SPATS2L: variants seen among roughly 807,000 people sequenced by gnomAD.
SPATS2L encodes the protein spermatogenesis associated serine rich 2 like, also known as SPATS2-like protein.
In SPATS2L, 30 loss-of-function variants were observed where a neutral mutation model predicts 59.6. That is an observed-to-expected ratio of 0.50 (90% confidence interval 0.38 to 0.68). The LOEUF (loss-of-function observed/expected upper bound fraction) is 0.68. Among genes scored for constraint, SPATS2L ranks in the 30% least tolerant of loss-of-function variants. The pLI, the probability that SPATS2L is intolerant of heterozygous loss-of-function variation, is 0.00. For missense variants in SPATS2L, 615 were observed against 700.0 expected, an observed-to-expected ratio of 0.88 and a Z score of 1.37; for synonymous variants, 252 against 263.5, an observed-to-expected ratio of 0.96 and a Z score of 0.42.
rs375990575 is a variant in SPATS2L, at chr2:200,469,846, G to A, written c.958-68G>A. The A allele has an allele frequency of 6.7e-5, 79 of 1,187,608 alleles. No individual in the cohort carries two copies. In the African/African-American group the frequency reaches 8.5e-4, roughly 13 times the overall value. 73.6% of individuals were successfully genotyped at this position (1,187,608 alleles called of 1,614,324 possible). A position where few individuals can be genotyped will look rare whatever the true frequency, so the allele number is the denominator to read the frequency against. Reference sequence around the variant, plus strand: ...TGGACACCGGAAGAGCAGAGTGAACGCATCCACGGGGGTGCCTTGGTCATT... The same window carrying A: ...TGGACACCGGAAGAGCAGAGTGAACACATCCACGGGGGTGCCTTGGTCATT... On this transcript the variant is annotated intron_variant, in intron 10 of 12. Coordinates refer to ENST00000409140, the MANE Select transcript of SPATS2L (RefSeq NM_001100423.2).
At chr2:200,370,420 A>G (rs920975096) in intron 2 of SPATS2L, among the ~76,000 whole-genome samples, 2 of 152,188 alleles carry the variant, frequency 1.3e-5, no homozygotes, top group Non-Finnish European at 2.9e-5. Flanking sequence ...AGAACTGAAT[A>G]ACAGAATAGT....
At chr2:200,439,514 T>A (rs2084542295) in intron 7 of SPATS2L, among the ~76,000 whole-genome samples, 186 bp downstream of exon 7, 1 of 152,188 alleles carries the variant, frequency 6.6e-6, no homozygotes, top group South Asian at 2.1e-4. Context: ...TCAAAGGTCT[T>A]GAATATTTAA....
chr2:200,308,183 C>A (rs2079088627), intron 1 of SPATS2L, among the ~76,000 whole-genome samples: 1 of 149,114 alleles, frequency 6.7e-6, no homozygotes, highest in Admixed American at 6.7e-5. Flanking sequence ...AGAGTTTAAG[C>A]AGATGTATGT....
intron 8 of SPATS2L, among the ~76,000 whole-genome samples, chr2:200,454,218 C>A (rs972688421): frequency 6.6e-6 from 1 of 152,178 alleles, no homozygotes; most frequent in African/African-American, 2.4e-5. Context: ...AGATTGAGTT[C>A]TTCACCTCCC....
At chr2:200,331,241 TTA>T (rs1430605025) in intron 2 of SPATS2L, among the ~76,000 whole-genome samples, 1 of 152,232 alleles carries the variant, frequency 6.6e-6, no homozygotes, top group Non-Finnish European at 1.5e-5. Context: ...GCTTATCTGA[TTA>T]TGTTTATTTT....
intron 6 of SPATS2L, among the ~76,000 whole-genome samples, chr2:200,429,141 G>A (rs1022694578): frequency 3.9e-5 from 6 of 152,160 alleles, no homozygotes; most frequent in Admixed American, 6.5e-5. Context: ...CTCTACTTTA[G>A]CTATGCTGGT....
intron 2 of SPATS2L, among the ~76,000 whole-genome samples, chr2:200,333,771 C>G (rs901084786): frequency 6.6e-5 from 10 of 151,898 alleles, no homozygotes; most frequent in Non-Finnish European, 1.5e-4. Flanking sequence ...TTTGTTCTTG[C>G]GATAGTTTGC....
At chr2:200,448,993 T>C (rs2085255144) in intron 8 of SPATS2L, among the ~76,000 whole-genome samples, 1 of 152,188 alleles carries the variant, frequency 6.6e-6, no homozygotes, top group South Asian at 2.1e-4. Context: ...ATTCTGAAAT[T>C]GTGAAAAGGG....
rs115389043 is a variant in SPATS2L, at chr2:200,371,916, C to T, written c.-22-17307C>T. The stretch of plus-strand genomic sequence containing the variant: ...CAGCTTCTTTAGATTTTGCTTTGAA[C>T]GGTAAGTCATACCGTGTTTTCTAAC... On this transcript the variant is annotated intron_variant, in intron 2 of 12. Transcript: ENST00000409140. Among the ~76,000 whole-genome samples the T allele has an allele frequency of 9.3e-3, 1,419 of 152,278 alleles. 31 individuals carry two copies. The highest frequency in any genetic ancestry group is 0.032 in the African/African-American group (1,349 of 41,544).
At chr2:200,309,018 A>C (rs1169780960) in intron 1 of SPATS2L, 1 of 717,546 alleles carries the variant, frequency 1.4e-6, no homozygotes, top group Non-Finnish European at 2.6e-6. Context: ...AGGGAAAGAA[A>C]ATACTTAGGC....
intron 6 of SPATS2L, among the ~76,000 whole-genome samples, chr2:200,433,308 C>G (rs2084063332): frequency 6.6e-6 from 1 of 152,004 alleles, no homozygotes; most frequent in South Asian, 2.1e-4. Context: ...ACGATTTGAA[C>G]AATACTATCA....
intron 3 of SPATS2L, among the ~76,000 whole-genome samples, chr2:200,409,429 G>T (rs2082799562): frequency 1.3e-5 from 2 of 152,094 alleles, no homozygotes; most frequent in Non-Finnish European, 2.9e-5. Context: ...GAGTGACACA[G>T]TGAGGTTCCT....
rs914248041 is a variant in SPATS2L, at chr2:200,481,540, T to G, written c.*3509T>G. Reference sequence around the variant, plus strand: ...TCAGGCTACCTTTGACAAAGCTTTCTTCCTCCCTCCCTCCCTTTGCACGCT... The same window carrying G: ...TCAGGCTACCTTTGACAAAGCTTTCGTCCTCCCTCCCTCCCTTTGCACGCT... On this transcript the variant is annotated 3_prime_UTR_variant, in exon 13 of 13. Transcript: ENST00000409140. The G allele has an allele frequency of 6.6e-6, 1 of 152,290 alleles. No individual in the cohort carries two copies. Among genetic ancestry groups the G allele is most frequent in the African/African-American group, 2.4e-5 (1 of 41,454 alleles). The allele number at this position is 152,290 out of a possible 1,614,324, so 9.4% of individuals were successfully genotyped here. A position where few individuals can be genotyped will look rare whatever the true frequency, so the allele number is the denominator to read the frequency against.
At chr2:200,380,990 A>C (rs2081789385) in intron 2 of SPATS2L, among the ~76,000 whole-genome samples, 1 of 152,198 alleles carries the variant, frequency 6.6e-6, no homozygotes, top group Non-Finnish European at 1.5e-5. Flanking sequence ...AAAGAGCAAA[A>C]ACACTTGAAA....
At chr2:200,446,835 TA>T (rs2085080108) in intron 8 of SPATS2L, among the ~76,000 whole-genome samples, 1 of 152,194 alleles carries the variant, frequency 6.6e-6, no homozygotes, top group African/African-American at 2.4e-5. Context: ...TCTCATTTCA[TA>T]ACAGTGCAGC....
In SPATS2L at chr2:200,309,125, T is replaced by G; in HGVS notation, c.-73+2203T>G. 3 of 717,766 alleles carry G rather than the reference T, an allele frequency of 4.2e-6. No homozygotes were observed. The South Asian group carries it at 4.4e-5, about 11-fold the overall frequency. The allele number at this position is 717,766 out of a possible 1,614,324, so 44.5% of individuals were successfully genotyped here. ...AAGCTTTTACATCAGAAGTTAAGCT[T>G]TAGAAATATCTCACTTTGGGGCCTA... On this transcript the variant is annotated intron_variant, in intron 1 of 12. Coordinates refer to ENST00000409140, the MANE Select transcript of SPATS2L (RefSeq NM_001100423.2).
chr2:200,433,069 AAAC>A (rs749213113), intron 6 of SPATS2L, among the ~76,000 whole-genome samples: 11 of 152,302 alleles, frequency 7.2e-5, no homozygotes, highest in South Asian at 2.1e-4. Context: ...ATTTGATGAA[AAAC>A]AACAAGCCTC....
intron 1 of SPATS2L, among the ~76,000 whole-genome samples, chr2:200,327,398 C>T (rs62179511): frequency 0.13 from 16,208 of 125,676 alleles, 921 homozygotes; most frequent in Non-Finnish European, 0.16. Context: ...AGCGAGACTC[C>T]GTCTCAAAAA....
intron 3 of SPATS2L, among the ~76,000 whole-genome samples, chr2:200,405,544 G>A (rs993770427): frequency 6.6e-6 from 1 of 152,130 alleles, no homozygotes; most frequent in African/African-American, 2.4e-5. Flanking sequence ...GAAGGTACTG[G>A]TCTGCAAAGA....
Sources: gnomAD v4.1 joint callset for allele counts (sites outside exome capture counted in the v4.1 genomes callset) on GRCh38, gnomAD v4.1.1 for gene constraint, MANE v1.5 for transcripts, NCBI Gene and HGNC (gene_info 2026-07-23, HGNC 2026-07-21) for gene names.